Variants in APBB2 observed in about 807,000 individuals in gnomAD.
APBB2 encodes Fe65-like 1.
APBB2 carries 38 observed loss-of-function variants against 82.5 expected under a neutral mutation model. The observed-to-expected ratio is 0.46, with a 90% CI of 0.36 to 0.60. APBB2 has a LOEUF of 0.60. Among genes scored for constraint, APBB2 ranks in the 20% least tolerant of loss-of-function variants. The pLI, the probability that APBB2 is intolerant of heterozygous loss-of-function variation, is 0.00. For missense variants in APBB2, 772 were observed against 972.3 expected (o/e 0.79, Z 2.74); for synonymous variants, 341 against 368.2 (o/e 0.93, Z 0.85).
intron 4 of APBB2, among the ~76,000 whole-genome samples, chr4:41,047,795 A>G (rs1723988300): frequency 6.6e-6 from 1 of 152,182 alleles, no homozygotes; most frequent in Non-Finnish European, 1.5e-5. Context: ...TGCTGAGTTT[A>G]TCTATCTCTG....
intron 3 of APBB2, among the ~76,000 whole-genome samples, chr4:41,089,160 C>A (rs1263253982): frequency 6.6e-6 from 1 of 152,152 alleles, no homozygotes. Flanking sequence ...GGATGACCAT[C>A]CAGAACATCT....
At chr4:41,090,525 C>T (rs1286207981) in intron 3 of APBB2, among the ~76,000 whole-genome samples, 1 of 152,206 alleles carries the variant, frequency 6.6e-6, no homozygotes, top group African/African-American at 2.4e-5. Context: ...AGACATCAGA[C>T]ACTAGTCTGC....
intron 6 of APBB2, among the ~76,000 whole-genome samples, chr4:40,967,363 C>T (rs776364417): frequency 1.3e-5 from 2 of 152,190 alleles, no homozygotes; most frequent in African/African-American, 2.4e-5. Flanking sequence ...TTGCTTGCCA[C>T]GTTGCAGGCA....
At chr4:41,043,658 C>T (rs1411018156) in intron 4 of APBB2, among the ~76,000 whole-genome samples, 1 of 152,168 alleles carries the variant, frequency 6.6e-6, no homozygotes, top group African/African-American at 2.4e-5. Flanking sequence ...CCCTCCATGC[C>T]CTTCCCTTCC....
intron 12 of APBB2, among the ~76,000 whole-genome samples, chr4:40,883,346 G>A (rs1769234288): frequency 6.6e-6 from 1 of 152,052 alleles, no homozygotes; most frequent in African/African-American, 2.4e-5. Context: ...CAGCACTTTG[G>A]GAGGCCGAGG....
intron 1 of APBB2, among the ~76,000 whole-genome samples, chr4:41,196,580 C>G: frequency 6.9e-6 from 1 of 144,068 alleles, no homozygotes; most frequent in Admixed American, 7.0e-5. Context: ...CTGTTCCTGT[C>G]GTTGAGAAAA....
intron 2 of APBB2, among the ~76,000 whole-genome samples, chr4:41,101,881 C>G (rs2153970009): frequency 6.6e-6 from 1 of 151,984 alleles, no homozygotes. Context: ...ATCGCTTGAA[C>G]CCGGGAGGCG....
At position 40,973,938 on chromosome 4, in the gene APBB2, G is replaced by A. The variant is rs541780898; in HGVS notation, c.836-28865C>T. ...GCGATCTCGGCTCACTGCAACCTCCGCCCCCCAAGTTCAAGCAATTATCCT... is the reference window on the plus strand; with the variant it reads ...GCGATCTCGGCTCACTGCAACCTCCACCCCCCAAGTTCAAGCAATTATCCT... On this transcript the variant is annotated intron_variant, in intron 6 of 17. Coordinates refer to ENST00000508593, the MANE Select transcript of APBB2 (RefSeq NM_004307.2). Among the ~76,000 whole-genome samples the A allele has an allele frequency of 2.0e-5, 3 of 148,824 alleles. No individual in the cohort carries two copies. The East Asian group carries it at 5.9e-4, about 29-fold the overall frequency.
At chr4:41,108,015 T>C (rs926009900) in intron 2 of APBB2, among the ~76,000 whole-genome samples, 1 of 152,236 alleles carries the variant, frequency 6.6e-6, no homozygotes, top group Non-Finnish European at 1.5e-5. Flanking sequence ...TTATTGGTGA[T>C]CATCTTATTA....
chr4:41,094,647 C>A (rs915583618), intron 3 of APBB2, among the ~76,000 whole-genome samples: 3 of 152,190 alleles, frequency 2.0e-5, no homozygotes, highest in Non-Finnish European at 4.4e-5. Flanking sequence ...TCACCACAAC[C>A]TCTGTCTCCC....
At position 41,155,068 on chromosome 4, in the gene APBB2, C is replaced by T. The variant is rs999326754; in HGVS notation, c.-416-11926G>A. ...AGTTTGAACAAAGACTTAAAATTAA[C>T]GGGTTTGGTCATCATTAAAGTTTAT... On this transcript the variant is annotated intron_variant, in intron 1 of 17. Coordinates refer to ENST00000508593, the MANE Select transcript of APBB2 (RefSeq NM_004307.2). 5.3e-5 allele frequency among the ~76,000 whole-genome samples: 8 copies of T among 152,264 alleles called. No individual in the cohort carries two copies. The East Asian group carries it at 1.2e-3, about 22-fold the overall frequency.
intron 6 of APBB2, among the ~76,000 whole-genome samples, chr4:41,008,505 C>G (rs1008002813): frequency 6.6e-6 from 1 of 152,154 alleles, no homozygotes; most frequent in Non-Finnish European, 1.5e-5. Context: ...ACTGAAAATA[C>G]AAAGATGAAG....
At chr4:40,954,086 C>G (rs2154385422) in intron 6 of APBB2, among the ~76,000 whole-genome samples, 1 of 152,242 alleles carries the variant, frequency 6.6e-6, no homozygotes, top group East Asian at 1.9e-4. Flanking sequence ...GAACAAGGAC[C>G]ACTCCCGGGT....
chr4:41,096,645 A>C (rs1743565364), intron 3 of APBB2, among the ~76,000 whole-genome samples: 1 of 152,226 alleles, frequency 6.6e-6, no homozygotes, highest in Non-Finnish European at 1.5e-5. Context: ...TCCTAATTTA[A>C]CTTAAAAAGT....
chr4:41,213,150 TTTG>T (rs1460043707), intron 1 of APBB2, among the ~76,000 whole-genome samples: 1 of 151,766 alleles, frequency 6.6e-6, no homozygotes, highest in African/African-American at 2.4e-5. Context: ...TGCCATTGTG[TTTG>T]TTTTTTTTAA....
At chr4:40,864,662 T>G (rs1332379916) in intron 12 of APBB2, among the ~76,000 whole-genome samples, 1 of 152,042 alleles carries the variant, frequency 6.6e-6, no homozygotes, top group Non-Finnish European at 1.5e-5. Context: ...AGAAAAAACC[T>G]CCCACTACTC....
chr4:40,946,886 T>C lies in APBB2; in HGVS notation c.836-1813A>G, dbSNP rs141608267. ...ACGGGAGCAGAGCCACCGTGAGAAA[T>C]AGAGAAATCAAACAAAGGGGCTGAT... On this transcript the variant is annotated intron_variant, in intron 6 of 17. Coordinates refer to ENST00000508593, the MANE Select transcript of APBB2 (RefSeq NM_004307.2). 8.5e-5 allele frequency among the ~76,000 whole-genome samples: 13 copies of C among 152,054 alleles called. 1 individual carries two copies. In the East Asian group the frequency reaches 1.4e-3, roughly 16 times the overall value.
intron 6 of APBB2, among the ~76,000 whole-genome samples, chr4:40,993,475 C>T (rs112843488): frequency 1.1e-4 from 16 of 151,244 alleles, no homozygotes; most frequent in East Asian, 2.0e-4. Context: ...CCTTGACCTC[C>T]GGGGCTCAAG....
intron 6 of APBB2, among the ~76,000 whole-genome samples, chr4:41,002,640 T>C (rs1026824172): frequency 2.0e-5 from 3 of 152,230 alleles, no homozygotes; most frequent in African/African-American, 7.2e-5. Flanking sequence ...TCTTTGGCAT[T>C]TGAGCTCAGC....
Sources: gnomAD v4.1 joint callset for allele counts (sites outside exome capture counted in the v4.1 genomes callset) on GRCh38, gnomAD v4.1.1 for gene constraint, MANE v1.5 for transcripts, NCBI Gene and HGNC (gene_info 2026-07-23, HGNC 2026-07-21) for gene names.